The following MROH1 variants were observed in gnomAD, a reference collection of about 807,000 sequenced individuals.
The protein encoded by MROH1 is maestro heat like repeat family member 1.
MROH1 carries 117 observed loss-of-function variants against 116.5 expected under a neutral mutation model. The observed-to-expected ratio is 1.00, with a 90% CI of 0.86 to 1.17. The LOEUF (loss-of-function observed/expected upper bound fraction) is 1.17. MROH1 is among the 50% of genes most tolerant of loss of function. MROH1 has a pLI of 0.00. For missense variants in MROH1, 1,873 were observed against 1,338.5 expected, an observed-to-expected ratio of 1.40 and a Z score of -6.23; for synonymous variants, 921 against 583.9, an observed-to-expected ratio of 1.58 and a Z score of -8.32.
chr8:144,212,580 C>CTTTTTTTTTT (rs59225464), intron 12 of MROH1, among the ~76,000 whole-genome samples: 1 of 47,200 alleles, frequency 2.1e-5, no homozygotes, highest in Non-Finnish European at 3.5e-5. Context: ...TCTTCTGTTA[C>CTTTTTTTTTT]TTTTTTTTTT....
chr8:144,195,179 T>A (rs1211039805), intron 10 of MROH1, among the ~76,000 whole-genome samples: 20 of 23,882 alleles, frequency 8.4e-4, no homozygotes, highest in Middle Eastern at 0.038. Flanking sequence ...TGGGTGACAG[T>A]GCGAGACTGT....
chr8:144,164,815 G>A (rs1820395886), intron 3 of MROH1, among the ~76,000 whole-genome samples: 1 of 152,176 alleles, frequency 6.6e-6, no homozygotes, highest in Non-Finnish European at 1.5e-5. Context: ...GGTAATTAAT[G>A]AATAATAGAA....
chr8:144,215,395 G>A (rs910084400), intron 12 of MROH1, among the ~76,000 whole-genome samples: 2 of 152,226 alleles, frequency 1.3e-5, no homozygotes, highest in East Asian at 1.9e-4. Flanking sequence ...AGCAGGACAC[G>A]TAACAGAGCA....
chr8:144,154,964 C>T (rs1359153548), intron 1 of MROH1, among the ~76,000 whole-genome samples: 1 of 152,130 alleles, frequency 6.6e-6, no homozygotes, highest in African/African-American at 2.4e-5. Flanking sequence ...ATTGCAGGCA[C>T]CCGCCACCAT....
In MROH1 at chr8:144,180,453, C is replaced by T. The variant is rs752525871; in HGVS notation, c.492C>T (p.Ser164=). Residue 164 remains serine (S), a synonymous_variant, in exon 7 of 44, where the codon TCC becomes TCT. Transcript: ENST00000326134. The surrounding 1 kb of genome is among the most constrained non-coding windows in gnomAD (Gnocchi z 7.4). The stretch of plus-strand genomic sequence containing the variant: ...TCGGCGTAGTCCCCTTCCTGCCATC[C>T]GTCCTGAGCTCCCTGCTGCCCGTGC... ...NAFGVVPFLP[S]VLSSLLPVLG... is the part of the protein sequence containing the mutation. The T allele has an allele frequency of 3.7e-6, 6 of 1,612,938 alleles. No homozygotes were observed. The highest frequency in any genetic ancestry group is 4.5e-5 in the East Asian group (2 of 44,884).
chr8:144,183,906 C>T (rs916442874), intron 7 of MROH1, among the ~76,000 whole-genome samples: 2 of 152,092 alleles, frequency 1.3e-5, no homozygotes, highest in Non-Finnish European at 2.9e-5. Context: ...CTCGGCCTCC[C>T]AAAGTGCTGG....
intron 1 of MROH1, among the ~76,000 whole-genome samples, chr8:144,156,993 T>C (rs1818315233): frequency 6.6e-6 from 1 of 151,580 alleles, no homozygotes; most frequent in Non-Finnish European, 1.5e-5. Context: ...TCTCACTGTG[T>C]TGCCCAGGCT....
intron 1 of MROH1, among the ~76,000 whole-genome samples, chr8:144,154,274 G>A (rs1361682331): frequency 6.6e-6 from 1 of 152,088 alleles, no homozygotes; most frequent in Non-Finnish European, 1.5e-5. Flanking sequence ...TACCATGTTG[G>A]TCAGGCTGGT....
intron 1 of MROH1, among the ~76,000 whole-genome samples, chr8:144,155,577 A>G (rs889704293): frequency 6.6e-6 from 1 of 151,692 alleles, no homozygotes; most frequent in Admixed American, 6.6e-5. Flanking sequence ...TGCAGTTGAA[A>G]CTTGTGTTGT....
At chr8:144,153,389 G>A (rs1431465396) in intron 1 of MROH1, among the ~76,000 whole-genome samples, 6 of 152,058 alleles carry the variant, frequency 3.9e-5, no homozygotes, top group South Asian at 2.1e-4. Flanking sequence ...TAGAGATGGC[G>A]TTTCACCATG....
chr8:144,260,457 TCCTC>T, intron 39 of MROH1, 83 bp downstream of exon 39: 3 of 697,894 alleles, frequency 4.3e-6, no homozygotes, highest in Non-Finnish European at 7.8e-6. Context: ...AGCCCCACCC[TCCTC>T]CCTGTCTCCC....
At chr8:144,255,276 T>A (rs1843517050) in intron 34 of MROH1, among the ~76,000 whole-genome samples, 1 of 152,242 alleles carries the variant, frequency 6.6e-6, no homozygotes, top group Non-Finnish European at 1.5e-5. Context: ...TGAGAACAGA[T>A]GGCCTGAGGT....
At chr8:144,229,707 TC>T (rs1838472763) in intron 14 of MROH1, among the ~76,000 whole-genome samples, 1 of 152,108 alleles carries the variant, frequency 6.6e-6, no homozygotes, top group Non-Finnish European at 1.5e-5. Flanking sequence ...TTAAAATGTC[TC>T]CATGCCAGCA....
rs1466329008 is a variant in MROH1, at chr8:144,255,561, T to A, written c.3647T>A (p.Val1216Glu). 1.9e-5 allele frequency: 15 copies of A among 779,166 alleles called. No individual in the cohort carries two copies. In the Admixed American group the frequency reaches 2.5e-4, roughly 13 times the overall value. 48.3% of individuals were successfully genotyped at this position (779,166 alleles called of 1,614,324 possible). The change falls in exon 35 of 44, where the codon GTG (valine) becomes GAG (glutamate). Residue 1216 changes from valine to glutamate, a missense_variant. Physicochemically the swap from Val to Glu is moderately radical, Grantham distance 121. Transcript: ENST00000326134. ...TCCACGCCTGCAGCGGGGCCCGCGGTGCTCGAGCTCTACCCCCAGCTGTTT... is the reference window on the plus strand; with the variant it reads ...TCCACGCCTGCAGCGGGGCCCGCGGAGCTCGAGCTCTACCCCCAGCTGTTT... ...VMSTPAAGPAVLELYPQLFVV... is the reference protein window; with the variant it reads ...VMSTPAAGPAELELYPQLFVV...
At chr8:144,214,122 G>A (rs1397932899) in intron 12 of MROH1, 1 of 152,212 alleles carries the variant, frequency 6.6e-6, no homozygotes, top group Admixed American at 6.5e-5. Context: ...CTCCCACCAG[G>A]GACCTCTCCT....
intron 29 of MROH1, among the ~76,000 whole-genome samples, chr8:144,245,966 G>A (rs1841814318): frequency 1.3e-5 from 2 of 152,060 alleles, no homozygotes; most frequent in Non-Finnish European, 2.9e-5. Flanking sequence ...GGGAGCCACT[G>A]CACCTGGCCT....
rs1448623990 is a variant in MROH1, at chr8:144,260,991, G to A, written c.4621G>A (p.Gly1541Ser). The A allele has an allele frequency of 2.4e-5, 19 of 777,350 alleles. No individual in the cohort carries two copies. The East Asian group carries it at 4.6e-4, about 19-fold the overall frequency. The allele number at this position is 777,350 out of a possible 1,614,324, so 48.2% of individuals were successfully genotyped here. A position where few individuals can be genotyped will look rare whatever the true frequency, so the allele number is the denominator to read the frequency against. Reference sequence around the variant, plus strand: ...TGCTTTCCAGAAACACCTGCAGGAGGGCCGAGCCCTGCACTTCGGGGAGTT... The same window carrying A: ...TGCTTTCCAGAAACACCTGCAGGAGAGCCGAGCCCTGCACTTCGGGGAGTT... ...SAAFQKHLQE[G>S]RALHFGEFLN... is the part of the protein sequence containing the mutation. Residue 1541 changes from glycine (G) to serine (S), a missense_variant, in exon 41 of 44, where the codon GGC (glycine) becomes AGC (serine). By Grantham distance (56) the Gly-to-Ser change is moderately conservative. Transcript: ENST00000326134.
chr8:144,236,397 T>G (rs1484920349), intron 14 of MROH1, among the ~76,000 whole-genome samples: 2 of 151,844 alleles, frequency 1.3e-5, no homozygotes, highest in African/African-American at 4.9e-5. Context: ...ATAAGTAGTT[T>G]GTAGGGAGAT....
rs181453549 is a variant in MROH1, at chr8:144,175,126, G to A, written c.169-4329G>A. ...AAGAACCAGAGGAGATGGCAGCTGTGGGTCTGGTCAGGTGGGTATTAATGC... is the reference window on the plus strand; with the variant it reads ...AAGAACCAGAGGAGATGGCAGCTGTAGGTCTGGTCAGGTGGGTATTAATGC... On this transcript the variant is annotated intron_variant, in intron 4 of 43. Coordinates refer to ENST00000326134, the MANE Select transcript of MROH1 (RefSeq NM_032450.3). 75 of 985,458 alleles carry A rather than the reference G, an allele frequency of 7.6e-5. No homozygotes were observed. In the African/African-American group the frequency reaches 1.0e-3, roughly 14 times the overall value. 61.0% of individuals were successfully genotyped at this position (985,458 alleles called of 1,614,324 possible).
Sources: gnomAD v4.1 joint callset for allele counts (sites outside exome capture counted in the v4.1 genomes callset) on GRCh38, gnomAD v4.1.1 for gene constraint, Gnocchi (gnomAD v3.1) non-coding constraint, MANE v1.5 for transcripts, NCBI Gene and HGNC (gene_info 2026-07-23, HGNC 2026-07-21) for gene names.